The following CHST8 variants were observed in gnomAD, a reference collection of about 807,000 sequenced individuals.
CHST8 encodes the protein GALNAC-4-ST1.
Under a neutral mutation model 15.0 loss-of-function variants are expected in CHST8, and 10 were observed. The observed-to-expected ratio is 0.67, with a 90% CI of 0.41 to 1.13. CHST8 has a LOEUF of 1.13. Among genes scored for constraint, CHST8 ranks in the 50% most tolerant of loss-of-function variants. CHST8 has a pLI of 0.00. For missense variants in CHST8, 634 were observed against 608.2 expected, an observed-to-expected ratio of 1.04 and a Z score of -0.45; for synonymous variants, 259 against 256.6, an observed-to-expected ratio of 1.01 and a Z score of -0.09.
intron 3 of CHST8, among the ~76,000 whole-genome samples, chr19:33,765,563 G>GTGTC (rs781612946): frequency 6.7e-6 from 1 of 148,562 alleles, no homozygotes; most frequent in African/African-American, 2.5e-5. Context: ...GTCAGAGAGA[G>GTGTC]AGAGAGAGAG....
intron 3 of CHST8, among the ~76,000 whole-genome samples, chr19:33,767,083 C>A (rs1665072353): frequency 6.6e-6 from 1 of 152,200 alleles, no homozygotes; most frequent in Admixed American, 6.5e-5. Flanking sequence ...ACACTAGCAT[C>A]ATCGCCCATC....
At chr19:33,676,733 T>C (rs1043266129) in intron 2 of CHST8, among the ~76,000 whole-genome samples, 1 of 149,526 alleles carries the variant, frequency 6.7e-6, no homozygotes, top group Non-Finnish European at 1.5e-5. Flanking sequence ...GAAAATTAGC[T>C]GGGTGTTATA....
At chr19:33,736,590 T>C (rs973082842) in intron 3 of CHST8, among the ~76,000 whole-genome samples, 3 of 152,058 alleles carry the variant, frequency 2.0e-5, no homozygotes, top group Non-Finnish European at 2.9e-5. Flanking sequence ...ATCCAGCAGA[T>C]AAGTGTGTGT....
chr19:33,773,449 G>T lies in CHST8; in HGVS notation c.*386G>T. 1 of 212,876 alleles carries T rather than the reference G, an allele frequency of 4.7e-6. No individual in the cohort carries two copies. Among genetic ancestry groups the T allele is most frequent in the Non-Finnish European group, 9.4e-6 (1 of 105,936 alleles). 13.2% of individuals were successfully genotyped at this position (212,876 alleles called of 1,614,324 possible). A position where few individuals can be genotyped will look rare whatever the true frequency, so the allele number is the denominator to read the frequency against. On this transcript the variant is annotated 3_prime_UTR_variant, in exon 5 of 5. Coordinates refer to ENST00000650847, the MANE Select transcript of CHST8 (RefSeq NM_001127895.2). Reference sequence around the variant, plus strand: ...ACCACGTGGTTTGCAGCTTTTCTACGAGCCAGGGGGGAGGTTCCCTTGGAT... The same window carrying T: ...ACCACGTGGTTTGCAGCTTTTCTACTAGCCAGGGGGGAGGTTCCCTTGGAT...
chr19:33,757,522 GAGAAAGAAAGAAAGAAAGAA>G lies in CHST8; in HGVS notation c.131-13827_131-13808del, dbSNP rs1218360558. On this transcript the variant is annotated intron_variant, in intron 3 of 4. Transcript: ENST00000650847. ...AGAAAGAAAGAAAGAAAGAAAGAAA[GAGAAAGAAAGAAAGAAAGAA>G]AGAAAGAAAGAAAGAAAGAAAGAAA... Among the ~76,000 whole-genome samples the G allele has an allele frequency of 7.4e-3, 156 of 21,128 alleles. 9 individuals carry two copies. The highest frequency in any genetic ancestry group is 0.013 in the South Asian group (7 of 550). The allele number at this position is 21,128 out of a possible 152,430, so 13.9% of individuals were successfully genotyped here. A position where few individuals can be genotyped will look rare whatever the true frequency, so the allele number is the denominator to read the frequency against.
chr19:33,749,647 C>T (rs949242788), intron 3 of CHST8, among the ~76,000 whole-genome samples: 3 of 152,012 alleles, frequency 2.0e-5, no homozygotes, highest in African/African-American at 4.8e-5. Flanking sequence ...GGGCCAGTAA[C>T]TTGGGCAGGT....
chr19:33,697,451 C>G (rs1017960255), intron 3 of CHST8, among the ~76,000 whole-genome samples: 1 of 151,982 alleles, frequency 6.6e-6, no homozygotes, highest in East Asian at 1.9e-4. Flanking sequence ...AGGCTGGTCT[C>G]GAACTCCTGG....
intron 2 of CHST8, among the ~76,000 whole-genome samples, chr19:33,687,090 C>T (rs958170795): frequency 1.3e-5 from 2 of 152,246 alleles, no homozygotes; most frequent in Non-Finnish European, 2.9e-5. Context: ...GAGAGAACAG[C>T]TTTGCCTGCC....
intron 1 of CHST8, among the ~76,000 whole-genome samples, chr19:33,667,298 C>T (rs144923380): frequency 6.6e-6 from 1 of 152,336 alleles, no homozygotes; most frequent in East Asian, 1.9e-4. Context: ...TAGGAGAAAG[C>T]CTTCCTGCAG....
chr19:33,696,900 G>A (rs924379849), intron 3 of CHST8, among the ~76,000 whole-genome samples: 3 of 151,592 alleles, frequency 2.0e-5, no homozygotes, highest in East Asian at 3.9e-4. Flanking sequence ...GAGTCCAATG[G>A]TACAATCTTG....
intron 1 of CHST8, among the ~76,000 whole-genome samples, chr19:33,650,080 G>A (rs73926570): frequency 0.014 from 2,142 of 152,284 alleles, 47 homozygotes; most frequent in African/African-American, 0.049. Flanking sequence ...TGTTCTGTGA[G>A]TCTTATGATC....
At chr19:33,701,693 A>G (rs1052945707) in intron 3 of CHST8, among the ~76,000 whole-genome samples, 5 of 152,256 alleles carry the variant, frequency 3.3e-5, no homozygotes, top group African/African-American at 1.2e-4. Flanking sequence ...ATGGTAATTT[A>G]TAAAATGAGA....
At chr19:33,737,620 G>T (rs892084316) in intron 3 of CHST8, among the ~76,000 whole-genome samples, 1 of 152,152 alleles carries the variant, frequency 6.6e-6, no homozygotes, top group African/African-American at 2.4e-5. Context: ...ATCTGTTTGC[G>T]GAACTGTGTC....
intron 3 of CHST8, among the ~76,000 whole-genome samples, chr19:33,757,603 A>C (rs1156357905): frequency 6.8e-6 from 1 of 146,282 alleles, no homozygotes; most frequent in South Asian, 2.2e-4. Context: ...AAAGAAAGAA[A>C]GAGCCGGCCA....
At position 33,772,530 on chromosome 19, in the gene CHST8, C is replaced by T. The variant is rs1441868426; in HGVS notation, c.742C>T (p.Leu248Phe). The T allele has an allele frequency of 6.2e-7, 1 of 1,614,040 alleles. No individual in the cohort carries two copies. Among genetic ancestry groups the T allele is most frequent in the East Asian group, 2.2e-5 (1 of 44,878 alleles). The change falls in exon 5 of 5, where the codon CTC becomes TTC. Residue 248 changes from leucine (L) to phenylalanine (F), a missense_variant. Coordinates refer to ENST00000650847, the MANE Select transcript of CHST8 (RefSeq NM_001127895.2). The stretch of plus-strand genomic sequence containing the variant: ...CGACCGCCAGGGTATCTTGCACCGT[C>T]TCAGCACCTACACCAAGATGCTCTT... ...TFDRQGILHR[L>F]STYTKMLFVR...
At chr19:33,686,948 CTCCCGAGAGACCTTGCAGGTTCTTCCTGG>C (rs1972991816) in intron 2 of CHST8, among the ~76,000 whole-genome samples, 1 of 152,270 alleles carries the variant, frequency 6.6e-6, no homozygotes, top group African/African-American at 2.4e-5. Context: ...ATAGCAGCTG[CTCCCGAGAGACCTTGCAGGTTCTTCCTGG>C]TCCCCATCTG....
At chr19:33,732,623 G>A (rs914655753) in intron 3 of CHST8, among the ~76,000 whole-genome samples, 8 of 152,042 alleles carry the variant, frequency 5.3e-5, no homozygotes, top group Non-Finnish European at 7.4e-5. Flanking sequence ...ATAGAACAGG[G>A]TCTGGGAGGG....
intron 1 of CHST8, among the ~76,000 whole-genome samples, chr19:33,652,922 C>G (rs1315945200): frequency 6.6e-6 from 1 of 152,116 alleles, no homozygotes; most frequent in African/African-American, 2.4e-5. Context: ...TACTTTCCTC[C>G]AAAACAACAT....
chr19:33,689,569 T>C (rs183297930), intron 3 of CHST8, among the ~76,000 whole-genome samples, 178 bp downstream of exon 3: 1 of 152,322 alleles, frequency 6.6e-6, no homozygotes, highest in East Asian at 1.9e-4. Context: ...GTGGGAGTGC[T>C]GTGTCTGATG....
Sources: gnomAD v4.1 joint callset for allele counts (sites outside exome capture counted in the v4.1 genomes callset) on GRCh38, gnomAD v4.1.1 for gene constraint, MANE v1.5 for transcripts, NCBI Gene and HGNC (gene_info 2026-07-23, HGNC 2026-07-21) for gene names.